The following PLPPR3 variants were observed in gnomAD, a reference collection of about 807,000 sequenced individuals.
PLPPR3 encodes phospholipid phosphatase related 3, also known as phospholipid phosphatase-related protein type 3.
Under a neutral mutation model 27.3 loss-of-function variants are expected in PLPPR3, and 14 were observed. That is an observed-to-expected ratio of 0.51 (90% CI 0.34 to 0.80). The LOEUF (loss-of-function observed/expected upper bound fraction) is 0.80, where lower values mean the gene tolerates loss of function less well. Among genes scored for constraint, PLPPR3 ranks in the 30% least tolerant of loss-of-function variants. The pLI is 0.01. For missense variants in PLPPR3, 1,287 were observed against 1,056.9 expected (o/e 1.22, Z -3.02); for synonymous variants, 671 against 508.0 (o/e 1.32, Z -4.32).
chr19:813,113 C>G lies in PLPPR3; in HGVS notation c.1614G>C (p.Gln538His). Reference sequence around the variant, plus strand: ...CCGGAGCCTTGGACATGGCGATGACCTGCAGCAGCCGCGGAGGGTTGGCCA... The same window carrying G: ...CCGGAGCCTTGGACATGGCGATGACGTGCAGCAGCCGCGGAGGGTTGGCCA... ...AAVANPPRLL[Q>H]VIAMSKAPGA... Residue 538 changes from glutamine to histidine, a missense_variant, in exon 8 of 8, where the codon CAG becomes CAC. By Grantham distance (24) the Gln-to-His change is conservative (BLOSUM62 0). Coordinates refer to ENST00000520876, the MANE Select transcript of PLPPR3 (RefSeq NM_001270366.2). The surrounding 1 kb of genome is among the most constrained non-coding windows in gnomAD (Gnocchi z 4.1). The G allele has an allele frequency of 6.7e-7, 1 of 1,503,186 alleles. No homozygotes were observed. Among genetic ancestry groups the G allele is most frequent in the Non-Finnish European group, 8.8e-7 (1 of 1,137,438 alleles). The allele number at this position is 1,503,186 out of a possible 1,614,324, so 93.1% of individuals were successfully genotyped here. A position where few individuals can be genotyped will look rare whatever the true frequency, so the allele number is the denominator to read the frequency against.
chr19:813,581 C>G lies in PLPPR3; in HGVS notation c.1146G>C (p.Ala382=). Residue 382 remains alanine (A), a synonymous_variant, in exon 8 of 8, where the codon GCG becomes GCC. Coordinates refer to ENST00000520876, the MANE Select transcript of PLPPR3 (RefSeq NM_001270366.2). This position sits in a 1 kb window ranked among gnomAD's most constrained non-coding sequence, Gnocchi z 4.1. ...GGCGCGCGGGGTCGTCCAGCGAGGG[C>G]GCGCTGGCCCTGGGCAGCGTGTGGC... ...TFSHTLPRAS[A]PSLDDPARRH... The G allele has an allele frequency of 4.5e-6, 7 of 1,554,390 alleles. No homozygotes were observed. The highest frequency in any genetic ancestry group is 6.1e-6 in the Non-Finnish European group (7 of 1,151,400).
At chr19:814,407 C>T (rs1419098150) in intron 7 of PLPPR3, 27 bp downstream of exon 7, 13 of 1,571,306 alleles carry the variant, frequency 8.3e-6, no homozygotes, top group Non-Finnish European at 1.1e-5. Context: ...GAACCCATGC[C>T]GACCCCCATC....
At chr19:820,304 C>T (rs1485460468) in intron 2 of PLPPR3, among the ~76,000 whole-genome samples, 2 of 152,072 alleles carry the variant, frequency 1.3e-5, no homozygotes, top group African/African-American at 4.8e-5. Flanking sequence ...CCACCTCGGC[C>T]TCCTAAGTAG....
upstream of PLPPR3, among the ~76,000 whole-genome samples, chr19:823,049 G>A (rs2035171985): frequency 1.3e-5 from 2 of 151,970 alleles, no homozygotes; most frequent in South Asian, 2.1e-4. Context: ...AACCTGGGAA[G>A]CGGAGGTTGC....
At chr19:816,904 C>T (rs1371304304) in intron 2 of PLPPR3, among the ~76,000 whole-genome samples, 1 of 151,434 alleles carries the variant, frequency 6.6e-6, no homozygotes, top group Admixed American at 6.6e-5. Context: ...ACCCACCCAA[C>T]TGTCCATCCA....
intron 2 of PLPPR3, among the ~76,000 whole-genome samples, chr19:821,261 A>C (rs2145084955): frequency 7.1e-6 from 1 of 139,866 alleles, no homozygotes; most frequent in East Asian, 2.3e-4. Flanking sequence ...ACCTGCCCAC[A>C]GTTCCCACGG....
At position 820,221 on chromosome 19, in the gene PLPPR3, T is replaced by C. The variant is rs375003370; in HGVS notation, c.75+1264A>G. Reference sequence around the variant, plus strand: ...TTTTGTTTTAGAGACAGAGTCTCTGTCATCCAGGCTGGAGTGCAGTGGTGT... The same window carrying C: ...TTTTGTTTTAGAGACAGAGTCTCTGCCATCCAGGCTGGAGTGCAGTGGTGT... On this transcript the variant is annotated intron_variant, in intron 2 of 7. Coordinates refer to ENST00000520876, the MANE Select transcript of PLPPR3 (RefSeq NM_001270366.2). 9.1e-4 allele frequency among the ~76,000 whole-genome samples: 138 copies of C among 152,252 alleles called. 5 individuals are homozygous for C. The South Asian group carries it at 0.028, about 31-fold the overall frequency.
Position 814,930 on chromosome 19 carries a change from C to T in PLPPR3, c.555G>A (p.Gln185=), listed in dbSNP as rs1046162934. 1 of 1,612,208 alleles carries T rather than the reference C, an allele frequency of 6.2e-7. No individual in the cohort carries two copies. Among genetic ancestry groups the T allele is most frequent in the South Asian group, 1.1e-5 (1 of 91,088 alleles). The change falls in exon 5 of 8, where the codon CAG becomes CAA. Residue 185 remains glutamine (Q), a synonymous_variant. Coordinates refer to ENST00000520876, the MANE Select transcript of PLPPR3 (RefSeq NM_001270366.2). The stretch of plus-strand genomic sequence containing the variant: ...GGATGTCGTGGCCGGAGCAGATGTC[C>T]TGCGTGATGTAGGGGTTGACCTCGC... The part of the protein sequence containing the change: ...TSCEVNPYIT[Q]DICSGHDIHA...
intron 2 of PLPPR3, among the ~76,000 whole-genome samples, chr19:821,029 C>T (rs904655025): frequency 2.6e-5 from 4 of 152,204 alleles, no homozygotes; most frequent in African/African-American, 9.7e-5. Context: ...GATATTAATT[C>T]CTATCAGCTC....
chr19:814,773 C>T (rs1223071208), intron 5 of PLPPR3, 24 bp from the exon 6 acceptor site: 14 of 1,559,150 alleles, frequency 9.0e-6, no homozygotes, highest in African/African-American at 1.3e-5. Context: ...CCAGCGTGAG[C>T]CCCGCCCACC....
In PLPPR3 at chr19:814,520, C is replaced by G. The variant is rs768708643; in HGVS notation, c.745G>C (p.Gly249Arg). Residue 249 changes from glycine to arginine, a missense_variant, in exon 7 of 8, where the codon GGG becomes CGG. Gly to Arg is a moderately radical substitution (Grantham distance 125). Coordinates refer to ENST00000520876, the MANE Select transcript of PLPPR3 (RefSeq NM_001270366.2). ...FAFAIAAGVC[G>R]LTQITQYRSH... ...CGGTACTGCGTGATCTGCGTGAGCC[C>G]GCATACGCCCGCGGCGATGGCAAAG... 1 of 1,611,506 alleles carries G rather than the reference C, an allele frequency of 6.2e-7. No homozygotes were observed. The highest frequency in any genetic ancestry group is 8.5e-7 in the Non-Finnish European group (1 of 1,179,920).
intron 2 of PLPPR3, among the ~76,000 whole-genome samples, chr19:819,502 C>T (rs894911104): frequency 1.3e-5 from 2 of 151,794 alleles, no homozygotes; most frequent in Non-Finnish European, 2.9e-5. Context: ...ATTGACCAGG[C>T]TGGTCTCGAA....
Position 815,100 on chromosome 19 carries a change from G to T in PLPPR3, c.404-19C>A, listed in dbSNP as rs370868606. The T allele has an allele frequency of 3.1e-6, 5 of 1,601,492 alleles. No homozygotes were observed. Among genetic ancestry groups the T allele is most frequent in the Non-Finnish European group, 4.2e-6 (5 of 1,179,348 alleles). On this transcript the variant is annotated intron_variant, in intron 4 of 7. Coordinates refer to ENST00000520876, the MANE Select transcript of PLPPR3 (RefSeq NM_001270366.2). ...TGGACACCTGCAGGGCGGAAGGCTC[G>T]GCCAGGCGGGGAGCTGGGGACCCGG...
Position 821,497 on chromosome 19 carries a change from G to T in PLPPR3, c.63C>A (p.Phe21Leu). 6.6e-7 allele frequency: 1 copy of T among 1,514,200 alleles called. No individual in the cohort carries two copies. The highest frequency in any genetic ancestry group is 8.8e-7 in the Non-Finnish European group (1 of 1,130,200). The allele number at this position is 1,514,200 out of a possible 1,614,324, so 93.8% of individuals were successfully genotyped here. Residue 21 changes from phenylalanine (F) to leucine (L), a missense_variant, in exon 2 of 8, where the codon TTC becomes TTA. Coordinates refer to ENST00000520876, the MANE Select transcript of PLPPR3 (RefSeq NM_001270366.2). The stretch of plus-strand genomic sequence containing the variant: ...GACCCCCACCCACCTCCACGAAGTA[G>T]AAGCAGGGCAGAAGCGTCATGCTGT... ...PKDSMTLLPC[F>L]YFVELPIVAS...
At position 813,383 on chromosome 19, in the gene PLPPR3, GTCCTCCTCCTCTTCC is replaced by G. The variant is rs1271900830; in HGVS notation, c.1329_1343del (p.Glu443_Glu447del). On this transcript the variant is annotated inframe_deletion, in exon 8 of 8. Transcript: ENST00000520876. The surrounding 1 kb of genome is among the most constrained non-coding windows in gnomAD (Gnocchi z 4.1). ...CTTCCTCCTCCTCCTCTTCCTCTTC[GTCCTCCTCCTCTTCC>G]TCCTCCTCCGCCATGGGTTCGGCGG... 2.8e-5 allele frequency: 42 copies of G among 1,497,498 alleles called. No homozygotes were observed. The highest frequency in any genetic ancestry group is 8.6e-5 in the African/African-American group (6 of 70,160). 92.8% of individuals were successfully genotyped at this position (1,497,498 alleles called of 1,614,324 possible). A position where few individuals can be genotyped will look rare whatever the true frequency, so the allele number is the denominator to read the frequency against.
upstream of PLPPR3, among the ~76,000 whole-genome samples, chr19:823,759 C>A (rs547237912): frequency 6.6e-6 from 1 of 151,984 alleles, no homozygotes; most frequent in East Asian, 1.9e-4. Flanking sequence ...CCATTCGATG[C>A]GATCCTGTTC....
rs1296169487 is a variant in PLPPR3 at position 821,577 on chromosome 19, A to T, written c.-18T>A. 7.0e-7 allele frequency: 1 copy of T among 1,420,490 alleles called. No individual in the cohort carries two copies. Among genetic ancestry groups the T allele is most frequent in the Non-Finnish European group, 9.3e-7 (1 of 1,071,278 alleles). The allele number at this position is 1,420,490 out of a possible 1,614,324, so 88.0% of individuals were successfully genotyped here. A position where few individuals can be genotyped will look rare whatever the true frequency, so the allele number is the denominator to read the frequency against. ...GAGATCATGGTGCCGCGGGCGCCGC[A>T]GGCCGTGGCTGGAGGGGAGAAAGCG... On this transcript the variant is annotated 5_prime_UTR_variant, in exon 2 of 8. Coordinates refer to ENST00000520876, the MANE Select transcript of PLPPR3 (RefSeq NM_001270366.2).
chr19:816,875 T>C (rs1243692316), intron 2 of PLPPR3, among the ~76,000 whole-genome samples: 1 of 150,572 alleles, frequency 6.6e-6, no homozygotes, highest in Non-Finnish European at 1.5e-5. Flanking sequence ...CATCCACCCA[T>C]GCAGCCATCC....
chr19:814,255 C>T (rs1429447932), intron 7 of PLPPR3, among the ~76,000 whole-genome samples, 179 bp downstream of exon 7: 1 of 137,068 alleles, frequency 7.3e-6, no homozygotes, highest in South Asian at 2.3e-4. Context: ...CCCGCCAGAA[C>T]CCCTGGGAAC....
Sources: allele counts gnomAD v4.1 joint callset (sites outside exome capture counted in the v4.1 genomes callset), GRCh38; gene constraint gnomAD v4.1.1; non-coding constraint Gnocchi (gnomAD v3.1); transcripts MANE v1.5; gene names NCBI Gene and HGNC (gene_info 2026-07-23, HGNC 2026-07-21).